Variants in DENND4A observed in about 807,000 individuals in gnomAD.
DENND4A encodes DENN domain containing 4A, also known as C-myc promoter-binding protein.
In DENND4A, 70 loss-of-function variants were observed where a neutral mutation model predicts 199.3. The observed-to-expected ratio is 0.35, with a 90% CI of 0.29 to 0.43. The LOEUF is 0.43. Ranked by LOEUF, DENND4A falls within the 20% of genes least tolerant of loss-of-function variation. The pLI is 1.00. For synonymous variants in DENND4A, 686 were observed against 766.9 expected (o/e 0.89, Z 1.74); for missense variants, 1,723 against 2,255.8 (o/e 0.76, Z 4.78).
Position 65,729,084 on chromosome 15 carries a change from T to C in DENND4A, c.1475A>G (p.Asn492Ser). The C allele has an allele frequency of 1.1e-5, 18 of 1,585,460 alleles. No homozygotes were observed. Among genetic ancestry groups the C allele is most frequent in the Non-Finnish European group, 1.5e-5 (18 of 1,164,064 alleles). The change falls in exon 11 of 33, where the codon AAC (asparagine) becomes AGC (serine). Residue 492 changes from asparagine (N) to serine (S), a missense_variant. Around this residue, in one of 6 missense-constraint regions of DENND4A, gnomAD observed 725 missense variants for 952.9 expected, o/e 0.76. Transcript: ENST00000443035. ...AAAATGTACTTACTGAGAAATAGTGTTGGTATCTACATCAACACAACTGAC... is the reference window on the plus strand; with the variant it reads ...AAAATGTACTTACTGAGAAATAGTGCTGGTATCTACATCAACACAACTGAC... Reference protein sequence around the residue: ...PDVSCVDVDTNTISQIGDKKN... With the variant: ...PDVSCVDVDTSTISQIGDKKN...
At chr15:65,751,356 A>T (rs1370291235) in intron 4 of DENND4A, among the ~76,000 whole-genome samples, 1 of 152,244 alleles carries the variant, frequency 6.6e-6, no homozygotes, top group Non-Finnish European at 1.5e-5. Context: ...AAGGAAGACT[A>T]TAAGCAGGTT....
intron 1 of DENND4A, among the ~76,000 whole-genome samples, chr15:65,767,110 A>G (rs1246772384): frequency 6.6e-6 from 1 of 152,226 alleles, no homozygotes; most frequent in Non-Finnish European, 1.5e-5. Context: ...AGTTATAAAC[A>G]CATGGTAGGT....
chr15:65,728,101 C>T (rs1217639657), intron 11 of DENND4A, among the ~76,000 whole-genome samples: 4 of 151,932 alleles, frequency 2.6e-5, no homozygotes, highest in South Asian at 4.2e-4. Flanking sequence ...CTCCGCCTCC[C>T]GGGTTCAAGC....
chr15:65,738,073 T>C (rs2076162513), intron 6 of DENND4A, 128 bp from the exon 7 acceptor site: 2 of 836,940 alleles, frequency 2.4e-6, no homozygotes, highest in African/African-American at 3.4e-5. Context: ...AACACAGTGA[T>C]GAAGAGACAC....
intron 2 of DENND4A, among the ~76,000 whole-genome samples, chr15:65,759,853 C>A (rs2140733416): frequency 6.6e-6 from 1 of 152,284 alleles, no homozygotes; most frequent in East Asian, 1.9e-4. Context: ...TAAAGGGCTG[C>A]ATAGTATTTT....
intron 5 of DENND4A, among the ~76,000 whole-genome samples, chr15:65,740,262 C>T (rs1263005448): frequency 6.9e-6 from 1 of 144,358 alleles, no homozygotes; most frequent in Non-Finnish European, 1.5e-5. Flanking sequence ...TAGGGCAACA[C>T]AGTGAGATTC....
rs2076927632 is a variant in DENND4A at position 65,690,301 on chromosome 15, G to A, written c.4179+114C>T. 3.1e-5 allele frequency: 35 copies of A among 1,126,118 alleles called. 2 individuals carry two copies. In the South Asian group the frequency reaches 7.4e-4, roughly 24 times the overall value. The allele number at this position is 1,126,118 out of a possible 1,614,324, so 69.8% of individuals were successfully genotyped here. A position where few individuals can be genotyped will look rare whatever the true frequency, so the allele number is the denominator to read the frequency against. On this transcript the variant is annotated intron_variant, in intron 23 of 32. Transcript: ENST00000443035. ...TACTTACAAAACTTACATACCCAAT[G>A]AGTCCTTTTTATAAAGCTATGTTTA...
At position 65,676,576 on chromosome 15, in the gene DENND4A, G is replaced by T. The variant is rs768301785; in HGVS notation, c.4238C>A (p.Thr1413Asn). The T allele has an allele frequency of 6.2e-6, 10 of 1,613,508 alleles. No homozygotes were observed. The highest frequency in any genetic ancestry group is 6.8e-6 in the Non-Finnish European group (8 of 1,179,702). Residue 1413 changes from threonine to asparagine, a missense_variant, in exon 24 of 33, where the codon ACC becomes AAC. Thr to Asn is a moderately conservative substitution (Grantham distance 65). Transcript: ENST00000443035. Reference protein sequence around the residue: ...SSVGAQDSESTSLTDEDVCHE... With the variant: ...SSVGAQDSESNSLTDEDVCHE... Reference sequence around the variant, plus strand: ...GCAGACATCTTCATCTGTTAAAGAGGTAGATTCAGAATCCTGGGCTCCCAC... The same window carrying T: ...GCAGACATCTTCATCTGTTAAAGAGTTAGATTCAGAATCCTGGGCTCCCAC...
intron 4 of DENND4A, among the ~76,000 whole-genome samples, chr15:65,742,405 T>C (rs1175090713): frequency 2.0e-5 from 3 of 151,630 alleles, no homozygotes; most frequent in Non-Finnish European, 4.4e-5. Flanking sequence ...TGCCTCAGTC[T>C]CCCAAGTAGC....
At chr15:65,737,598 T>C in intron 7 of DENND4A, 109 bp downstream of exon 7, 2 of 1,128,558 alleles carry the variant, frequency 1.8e-6, no homozygotes, top group South Asian at 3.4e-5. Flanking sequence ...TTTTTTCAAA[T>C]AACTCTTGAG....
At chr15:65,758,858 C>T (rs909211357) in intron 2 of DENND4A, among the ~76,000 whole-genome samples, 1 of 152,054 alleles carries the variant, frequency 6.6e-6, no homozygotes, top group Non-Finnish European at 1.5e-5. Flanking sequence ...ATAAAGGCAG[C>T]CGATAAACTT....
At chr15:65,688,422 G>C (rs2142048951) in intron 23 of DENND4A, among the ~76,000 whole-genome samples, 1 of 152,158 alleles carries the variant, frequency 6.6e-6, no homozygotes, top group East Asian at 1.9e-4. Context: ...ATTTTATCTT[G>C]GACACTGAAT....
In DENND4A at chr15:65,762,730, A is replaced by G. The variant is rs189683496; in HGVS notation, c.-101-1292T>C. ...AGCATTTAATTGAATTAGGTATTAT[A>G]GATAATCTAGAGGTGATTTAAAGTA... On this transcript the variant is annotated intron_variant, in intron 1 of 32. Transcript: ENST00000443035. Among the ~76,000 whole-genome samples the G allele has an allele frequency of 3.9e-3, 600 of 152,360 alleles. 9 individuals carry two copies. The highest frequency in any genetic ancestry group is 0.013 in the African/African-American group (528 of 41,582).
intron 23 of DENND4A, 33 bp downstream of exon 23, chr15:65,690,382 A>G: frequency 6.5e-7 from 1 of 1,527,832 alleles, no homozygotes; most frequent in Non-Finnish European, 8.8e-7. Context: ...TGTGTGTGTG[A>G]CAGTAAAAGT....
chr15:65,691,539 CA>C, intron 22 of DENND4A, 28 bp from the exon 23 acceptor site: 1 of 1,509,336 alleles, frequency 6.6e-7, no homozygotes, highest in South Asian at 1.3e-5. Context: ...TGCTTTTAGC[CA>C]TGAAAATATA....
chr15:65,676,141 A>T (rs1411099896), intron 24 of DENND4A, among the ~76,000 whole-genome samples: 22 of 110,464 alleles, frequency 2.0e-4, no homozygotes, highest in Admixed American at 5.5e-4. Flanking sequence ...AATAAGGAAA[A>T]ATATATATAT....
At chr15:65,701,354 C>T (rs551143890) in intron 18 of DENND4A, among the ~76,000 whole-genome samples, 162 bp from the exon 19 acceptor site, 1 of 152,200 alleles carries the variant, frequency 6.6e-6, no homozygotes, top group South Asian at 2.1e-4. Flanking sequence ...ATCACTTGAG[C>T]CCAGGAATTC....
chr15:65,734,501 G>A (rs183269746), intron 7 of DENND4A, among the ~76,000 whole-genome samples: 97 of 152,222 alleles, frequency 6.4e-4, no homozygotes, highest in African/African-American at 2.2e-3. Flanking sequence ...CTGAACGCTG[G>A]TTCCCCGGGT....
chr15:65,696,751 A>G (rs1596461422), intron 21 of DENND4A: 1 of 279,526 alleles, frequency 3.6e-6, no homozygotes, highest in South Asian at 4.9e-5. Flanking sequence ...CACTGATTGT[A>G]AAGGAGTGCT....
Sources: allele counts gnomAD v4.1 joint callset (sites outside exome capture counted in the v4.1 genomes callset), GRCh38; gene constraint gnomAD v4.1.1; regional missense constraint gnomAD v4.1.1; transcripts MANE v1.5; gene names NCBI Gene and HGNC (gene_info 2026-07-23, HGNC 2026-07-21).